Variants in SGIP1 observed in about 807,000 individuals in gnomAD.
The protein encoded by SGIP1 is SH3GL interacting endocytic adaptor 1, also known as SH3-containing GRB2-like protein 3-interacting protein 1.
A neutral mutation model predicts 107.5 loss-of-function variants in SGIP1; 38 were observed. That is an observed-to-expected ratio of 0.35 (90% CI 0.27 to 0.46). The LOEUF (loss-of-function observed/expected upper bound fraction) is 0.46, where lower values mean the gene tolerates loss of function less well. SGIP1 is among the 20% of genes least tolerant of loss of function. SGIP1 has a pLI of 1.00. For missense variants in SGIP1, 929 were observed against 1,019.5 expected, an observed-to-expected ratio of 0.91 and a Z score of 1.21; for synonymous variants, 365 against 366.1, an observed-to-expected ratio of 1.00 and a Z score of 0.03.
chr1:66,686,648 T>C (rs547557602), intron 15 of SGIP1, among the ~76,000 whole-genome samples: 1 of 152,296 alleles, frequency 6.6e-6, no homozygotes, highest in East Asian at 1.9e-4. Flanking sequence ...CTGCTAAGCC[T>C]CAGGGTTTGG....
intron 1 of SGIP1, among the ~76,000 whole-genome samples, chr1:66,554,864 T>C (rs2148338273): frequency 6.6e-6 from 1 of 152,272 alleles, no homozygotes; most frequent in South Asian, 2.1e-4. Context: ...TTTAACATAT[T>C]GTTTTGATTA....
intron 1 of SGIP1, among the ~76,000 whole-genome samples, chr1:66,602,637 T>C (rs967899114): frequency 3.4e-5 from 5 of 146,350 alleles, no homozygotes; most frequent in African/African-American, 1.2e-4. Flanking sequence ...ACTTAAAGTA[T>C]AATAATAAAT....
chr1:66,673,203 T>A, intron 11 of SGIP1, 78 bp from the exon 12 acceptor site: 2 of 1,425,246 alleles, frequency 1.4e-6, no homozygotes, highest in Non-Finnish European at 2.0e-6. Flanking sequence ...AAGAAAAATA[T>A]GTGAAAGCTT....
chr1:66,638,859 T>G (rs954171445), intron 4 of SGIP1, among the ~76,000 whole-genome samples: 1 of 152,194 alleles, frequency 6.6e-6, no homozygotes, highest in Non-Finnish European at 1.5e-5. Flanking sequence ...CACCATTTGA[T>G]GTGTGTTGTT....
chr1:66,632,545 C>G (rs1274481467), intron 2 of SGIP1, among the ~76,000 whole-genome samples: 1 of 152,194 alleles, frequency 6.6e-6, no homozygotes, highest in Non-Finnish European at 1.5e-5. Flanking sequence ...GAGGCTGGAG[C>G]AGAGGTTCGC....
intron 1 of SGIP1, among the ~76,000 whole-genome samples, chr1:66,574,381 C>T (rs1178774589): frequency 2.0e-5 from 3 of 152,116 alleles, no homozygotes; most frequent in Non-Finnish European, 4.4e-5. Flanking sequence ...CCATTCTCTG[C>T]CGTGGTGTCC....
At position 66,694,509 on chromosome 1, in the gene SGIP1, G is replaced by A. The variant is rs186443994; in HGVS notation, c.1571-925G>A. 30 of 1,589,268 alleles carry A rather than the reference G, an allele frequency of 1.9e-5. No homozygotes were observed. The Admixed American group carries it at 5.5e-4, about 29-fold the overall frequency. ...GGCGCTGTGAAACGCCTGCAGGTAT[G>A]GTGCTAGCCAAGTGATCTCTAGAGA... On this transcript the variant is annotated intron_variant, in intron 17 of 24. Coordinates refer to ENST00000371037, the MANE Select transcript of SGIP1 (RefSeq NM_032291.4).
At position 66,747,752 on chromosome 1, in the gene SGIP1, G is replaced by C. The variant is rs910068452; in HGVS notation, c.*4657G>C. 1 of 151,858 alleles carries C rather than the reference G, an allele frequency of 6.6e-6. No individual in the cohort carries two copies. The highest frequency in any genetic ancestry group is 1.5e-5 in the Non-Finnish European group (1 of 67,820). 9.4% of individuals were successfully genotyped at this position (151,858 alleles called of 1,614,324 possible). ...ATTGAACAATACAGTAGAATATGCA[G>C]ATACATACTAAACAGATGAGTGTGT... is the stretch of plus-strand genomic sequence containing the variant. On this transcript the variant is annotated 3_prime_UTR_variant, in exon 25 of 25. Transcript: ENST00000371037.
At chr1:66,655,946 T>A (rs557242381) in intron 7 of SGIP1, among the ~76,000 whole-genome samples, 6 of 152,166 alleles carry the variant, frequency 3.9e-5, no homozygotes, top group South Asian at 4.1e-4. Flanking sequence ...CTAAATTTTT[T>A]AAAATGTATT....
chr1:66,641,580 T>C (rs1345259194), intron 5 of SGIP1, among the ~76,000 whole-genome samples: 1 of 152,180 alleles, frequency 6.6e-6, no homozygotes, highest in Admixed American at 6.5e-5. Flanking sequence ...GTGTGTTTCC[T>C]TGAGAAATGG....
rs10707091 is a variant in SGIP1, at chr1:66,614,809, C to CTTTTTTT, written c.11-11017_11-11011dup. On this transcript the variant is annotated intron_variant, in intron 1 of 24. Coordinates refer to ENST00000371037, the MANE Select transcript of SGIP1 (RefSeq NM_032291.4). ...CTAATAGGGGCTATGTTCCAGCTGT[C>CTTTTTTT]TTTTTTTTTTTTTTTTTTTTTTTTT... 5.7e-4 allele frequency among the ~76,000 whole-genome samples: 34 copies of CTTTTTTT among 59,414 alleles called. 5 individuals are homozygous for CTTTTTTT. Among genetic ancestry groups the CTTTTTTT allele is most frequent in the East Asian group, 1.1e-3 (2 of 1,828 alleles). 39.0% of individuals were successfully genotyped at this position (59,414 alleles called of 152,430 possible). A position where few individuals can be genotyped will look rare whatever the true frequency, so the allele number is the denominator to read the frequency against.
chr1:66,671,995 G>T lies in SGIP1; in HGVS notation c.560G>T (p.Ser187Ile). Residue 187 changes from serine to isoleucine, a missense_variant and splice_region_variant, in exon 11 of 25, where the codon AGC becomes ATC. Ser to Ile is a moderately radical substitution (Grantham distance 142). Coordinates refer to ENST00000371037, the MANE Select transcript of SGIP1 (RefSeq NM_032291.4). ...RRSTPTPELI[S>I]KKPPDDTTAL... ...TCCACACCAACTCCAGAACTTATAA[G>T]GTGAGTGTGAAAGACATTAGTTGTG... 6.2e-7 allele frequency: 1 copy of T among 1,613,894 alleles called. No homozygotes were observed. The highest frequency in any genetic ancestry group is 1.3e-5 in the African/African-American group (1 of 75,036).
chr1:66,746,181 TG>T lies in SGIP1; in HGVS notation c.*3088del, dbSNP rs1279207889. On this transcript the variant is annotated 3_prime_UTR_variant, in exon 25 of 25. Transcript: ENST00000371037. ...AGAAAAGCAGATAACTATAATACCT[TG>T]GCTCTGCCACTGACTCCTGCCGTAT... 6.6e-6 allele frequency: 1 copy of T among 152,212 alleles called. No homozygotes were observed. The highest frequency in any genetic ancestry group is 2.4e-5 in the African/African-American group (1 of 41,476). 9.4% of individuals were successfully genotyped at this position (152,212 alleles called of 1,614,324 possible).
At chr1:66,695,708 C>A (rs749362046) in intron 18 of SGIP1, among the ~76,000 whole-genome samples, 3 of 152,090 alleles carry the variant, frequency 2.0e-5, no homozygotes, top group Non-Finnish European at 4.4e-5. Context: ...AAAAAAAGTT[C>A]AAGCTAATTT....
chr1:66,677,765 A>G (rs950615531), intron 13 of SGIP1, among the ~76,000 whole-genome samples: 1 of 152,198 alleles, frequency 6.6e-6, no homozygotes, highest in Non-Finnish European at 1.5e-5. Context: ...GATTTATTGA[A>G]TTCCCTTTTC....
intron 9 of SGIP1, 79 bp downstream of exon 9, chr1:66,667,620 C>T: frequency 1.5e-6 from 2 of 1,346,870 alleles, no homozygotes; most frequent in East Asian, 2.3e-5. Context: ...GTTGGTTTCC[C>T]ATTAAATTTA....
At chr1:66,586,642 T>A (rs1303146549) in intron 1 of SGIP1, among the ~76,000 whole-genome samples, 1 of 152,124 alleles carries the variant, frequency 6.6e-6, no homozygotes, top group Non-Finnish European at 1.5e-5. Context: ...TTTTAAATAT[T>A]TCCTCTATAT....
intron 24 of SGIP1, among the ~76,000 whole-genome samples, chr1:66,742,848 C>A (rs2094502276): frequency 6.6e-6 from 1 of 152,138 alleles, no homozygotes; most frequent in South Asian, 2.1e-4. Context: ...AAACCCCAAA[C>A]CTCTGCAAAT....
At chr1:66,658,486 C>G (rs1322928140) in intron 7 of SGIP1, among the ~76,000 whole-genome samples, 1 of 151,990 alleles carries the variant, frequency 6.6e-6, no homozygotes, top group Non-Finnish European at 1.5e-5. Context: ...ATAGCTTGTG[C>G]CATATATAAT....
Sources: gnomAD v4.1 joint callset for allele counts (sites outside exome capture counted in the v4.1 genomes callset) on GRCh38, gnomAD v4.1.1 for gene constraint, MANE v1.5 for transcripts, NCBI Gene and HGNC (gene_info 2026-07-23, HGNC 2026-07-21) for gene names.